SLC15A5: variants seen among roughly 807,000 people sequenced by gnomAD.
SLC15A5 encodes solute carrier family 15 member 5.
Under a neutral mutation model 56.1 loss-of-function variants are expected in SLC15A5, and 58 were observed. That is an observed-to-expected ratio of 1.03 (90% CI 0.84 to 1.29). The LOEUF (loss-of-function observed/expected upper bound fraction) is 1.29. Ranked by LOEUF, SLC15A5 falls within the 50% of genes most tolerant of loss-of-function variation. SLC15A5 has a pLI of 0.00. For synonymous variants in SLC15A5, 264 were observed against 250.5 expected, an observed-to-expected ratio of 1.05 and a Z score of -0.51; for missense variants, 681 against 672.1, an observed-to-expected ratio of 1.01 and a Z score of -0.15.
chr12:16,233,290 A>G (rs1173773766), intron 5 of SLC15A5, among the ~76,000 whole-genome samples: 1 of 152,234 alleles, frequency 6.6e-6, no homozygotes, highest in East Asian at 1.9e-4. Flanking sequence ...AAGGCCAGTA[A>G]TAAGTACTTC....
intron 2 of SLC15A5, among the ~76,000 whole-genome samples, chr12:16,258,213 A>T (rs73328947): frequency 0.053 from 8,089 of 152,252 alleles, 334 homozygotes; most frequent in African/African-American, 0.11. Flanking sequence ...CTGTGGTGCT[A>T]AAGAAGCTAT....
chr12:16,239,670 A>C lies in SLC15A5; in HGVS notation c.1162+11T>G, dbSNP rs1864392035. Reference sequence around the variant, plus strand: ...CAAACGATTCGCATGAAATGGTTAAATTGTACTTACTGATGCATGTTGACA... The same window carrying C: ...CAAACGATTCGCATGAAATGGTTAACTTGTACTTACTGATGCATGTTGACA... On this transcript the variant is annotated intron_variant, in intron 5 of 8. Coordinates refer to ENST00000344941, the MANE Select transcript of SLC15A5 (RefSeq NM_001170798.1). 6.5e-7 allele frequency: 1 copy of C among 1,533,870 alleles called. No homozygotes were observed. Among genetic ancestry groups the C allele is most frequent in the African/African-American group, 1.4e-5 (1 of 73,040 alleles).
chr12:16,264,164 C>T (rs1220663218), intron 2 of SLC15A5, among the ~76,000 whole-genome samples: 1 of 152,196 alleles, frequency 6.6e-6, no homozygotes, highest in Non-Finnish European at 1.5e-5. Flanking sequence ...GAAGCAGTAC[C>T]CTGCAAAGCC....
chr12:16,233,747 T>C (rs1864321761), intron 5 of SLC15A5, among the ~76,000 whole-genome samples: 1 of 152,200 alleles, frequency 6.6e-6, no homozygotes, highest in Admixed American at 6.5e-5. Flanking sequence ...CCCTGACCAG[T>C]AGTGTAGGTA....
Position 16,259,897 on chromosome 12 carries a change from C to T in SLC15A5, c.585-2027G>A, listed in dbSNP as rs949690585. Among the ~76,000 whole-genome samples the T allele has an allele frequency of 8.5e-5, 12 of 141,162 alleles. No individual in the cohort carries two copies. In the South Asian group the frequency reaches 1.3e-3, roughly 16 times the overall value. The allele number at this position is 141,162 out of a possible 152,430, so 92.6% of individuals were successfully genotyped here. On this transcript the variant is annotated intron_variant, in intron 2 of 8. Transcript: ENST00000344941. ...CTTGCTGTACCCAGCTGACACCACC[C>T]GGGCGGGGGGTAAGTTAGAGCACTT... is the stretch of plus-strand genomic sequence containing the variant.
chr12:16,272,135 G>C (rs1864766522), intron 2 of SLC15A5, among the ~76,000 whole-genome samples: 2 of 152,056 alleles, frequency 1.3e-5, no homozygotes, highest in Non-Finnish European at 2.9e-5. Flanking sequence ...CAATACACAT[G>C]GTGTTACCTC....
At chr12:16,202,838 T>C (rs1863971276) in intron 7 of SLC15A5, among the ~76,000 whole-genome samples, 1 of 152,186 alleles carries the variant, frequency 6.6e-6, no homozygotes, top group Non-Finnish European at 1.5e-5. Flanking sequence ...GAGTACATTA[T>C]GCTAATTGAC....
rs147847763 is a variant in SLC15A5 at position 16,251,505 on chromosome 12, A to G, written c.754+6196T>C. ...TTAGAAATGAAAGGAGACATTACAA[A>G]TGATGTCACAGAAATAAAAAGGATT... On this transcript the variant is annotated intron_variant, in intron 3 of 8. Coordinates refer to ENST00000344941, the MANE Select transcript of SLC15A5 (RefSeq NM_001170798.1). Among the ~76,000 whole-genome samples the G allele has an allele frequency of 1.4e-4, 21 of 152,002 alleles. 1 individual carries two copies. The East Asian group carries it at 4.0e-3, about 29-fold the overall frequency.
chr12:16,272,423 T>C, intron 2 of SLC15A5, 138 bp downstream of exon 2: 1 of 801,898 alleles, frequency 1.2e-6, no homozygotes, highest in Non-Finnish European at 2.0e-6. Flanking sequence ...ACTGACTGAA[T>C]CATCATCACA....
intron 4 of SLC15A5, 65 bp downstream of exon 4, chr12:16,244,515 G>T: frequency 1.4e-6 from 2 of 1,413,542 alleles, no homozygotes; most frequent in South Asian, 1.2e-5. Context: ...AATTCACCTT[G>T]ACTTGCACTG....
chr12:16,237,998 C>T lies in SLC15A5; in HGVS notation c.1162+1683G>A, dbSNP rs1334016296. On this transcript the variant is annotated intron_variant, in intron 5 of 8. Coordinates refer to ENST00000344941, the MANE Select transcript of SLC15A5 (RefSeq NM_001170798.1). This position sits in a 1 kb window ranked among gnomAD's most constrained non-coding sequence, Gnocchi z 4.1. Reference sequence around the variant, plus strand: ...TTCTACATTGGCAGACAGAAAAGCACTTTTTAAGTCTTAAGGATTATCAAA... The same window carrying T: ...TTCTACATTGGCAGACAGAAAAGCATTTTTTAAGTCTTAAGGATTATCAAA... 3.9e-5 allele frequency among the ~76,000 whole-genome samples: 6 copies of T among 152,232 alleles called. No individual in the cohort carries two copies. In the East Asian group the frequency reaches 1.2e-3, roughly 29 times the overall value.
At chr12:16,251,548 C>T (rs193236273) in intron 3 of SLC15A5, among the ~76,000 whole-genome samples, 3 of 151,752 alleles carry the variant, frequency 2.0e-5, no homozygotes, top group African/African-American at 4.8e-5. Flanking sequence ...AAGAATTGTA[C>T]GCCAACAAAT....
intron 6 of SLC15A5, among the ~76,000 whole-genome samples, chr12:16,219,244 G>C (rs1342394771): frequency 6.6e-6 from 1 of 152,138 alleles, no homozygotes; most frequent in African/African-American, 2.4e-5. Context: ...GTGGAGAAGG[G>C]CTTCAAATAT....
intron 3 of SLC15A5, among the ~76,000 whole-genome samples, chr12:16,248,990 T>C (rs996723201): frequency 6.6e-6 from 1 of 152,100 alleles, no homozygotes; most frequent in Non-Finnish European, 1.5e-5. Flanking sequence ...TTTAAAAAAC[T>C]TTTAGAAAGC....
intron 5 of SLC15A5, 120 bp from the exon 6 acceptor site, chr12:16,224,722 A>ATT (rs368655261): frequency 1.8e-5 from 19 of 1,057,676 alleles, no homozygotes; most frequent in Admixed American, 3.0e-5. Context: ...GTTTGTTTTT[A>ATT]TTTTTTTTTA....
chr12:16,217,145 T>G, intron 6 of SLC15A5, 121 bp from the exon 7 acceptor site: 1 of 1,051,914 alleles, frequency 9.5e-7, no homozygotes, highest in Non-Finnish European at 1.3e-6. Flanking sequence ...AAAATTTGGG[T>G]TGGACTTTGT....
intron 6 of SLC15A5, among the ~76,000 whole-genome samples, chr12:16,222,022 T>C (rs1287925741): frequency 6.6e-6 from 1 of 152,182 alleles, no homozygotes; most frequent in African/African-American, 2.4e-5. Flanking sequence ...TCTGACACTA[T>C]TAATTCATGT....
chr12:16,240,901 C>T (rs749594981), intron 4 of SLC15A5, among the ~76,000 whole-genome samples: 1 of 151,196 alleles, frequency 6.6e-6, no homozygotes, highest in South Asian at 2.1e-4. Flanking sequence ...CAAGCTCCAC[C>T]TCCCAGGTTC....
At chr12:16,256,586 G>A (rs371918618) in intron 3 of SLC15A5, among the ~76,000 whole-genome samples, 12 of 152,164 alleles carry the variant, frequency 7.9e-5, no homozygotes, top group East Asian at 1.9e-4. Flanking sequence ...GGGGCCGGGC[G>A]TGGTGGCTCA....
Sources: allele counts gnomAD v4.1 joint callset (sites outside exome capture counted in the v4.1 genomes callset), GRCh38; gene constraint gnomAD v4.1.1; non-coding constraint Gnocchi (gnomAD v3.1); transcripts MANE v1.5; gene names NCBI Gene and HGNC (gene_info 2026-07-23, HGNC 2026-07-21).